PDGFRA: variants seen among roughly 807,000 people sequenced by gnomAD.
PDGFRA encodes the protein platelet-derived growth factor receptor alpha.
PDGFRA carries 25 observed loss-of-function variants against 121.5 expected under a neutral mutation model. The ratio of observed to expected loss-of-function variants is 0.21; its 90% CI spans 0.15 to 0.29. PDGFRA has a LOEUF of 0.29. Among genes scored for constraint, PDGFRA ranks in the 10% least tolerant of loss-of-function variants. PDGFRA has a pLI of 1.00. For synonymous variants in PDGFRA, 463 were observed against 494.8 expected, an observed-to-expected ratio of 0.94 and a Z score of 0.85; for missense variants, 1,008 against 1,345.1, an observed-to-expected ratio of 0.75 and a Z score of 3.92.
intron 1 of PDGFRA, among the ~76,000 whole-genome samples, chr4:54,231,440 G>A (rs1481724598): frequency 1.3e-5 from 2 of 152,238 alleles, no homozygotes; most frequent in Non-Finnish European, 2.9e-5. Flanking sequence ...GCATCTCACC[G>A]GACAAACATC....
intron 15 of PDGFRA, 180 bp downstream of exon 15, chr4:54,278,695 G>C: frequency 1.5e-6 from 1 of 677,124 alleles, no homozygotes. Flanking sequence ...ATGTCTAAAG[G>C]TGTTTTGGAC....
chr4:54,276,615 G>A (rs538848070), intron 12 of PDGFRA: 1 of 152,356 alleles, frequency 6.6e-6, no homozygotes, highest in East Asian at 1.9e-4. Context: ...TATACCAAGA[G>A]GCATTGCTGG....
At chr4:54,234,893 G>A (rs1720928604) in intron 1 of PDGFRA, among the ~76,000 whole-genome samples, 1 of 152,170 alleles carries the variant, frequency 6.6e-6, no homozygotes, top group African/African-American at 2.4e-5. Context: ...GGTGAGAGGA[G>A]AGCAGGCATG....
intron 9 of PDGFRA, among the ~76,000 whole-genome samples, 159 bp downstream of exon 9, chr4:54,272,679 G>A (rs1417230123): frequency 1.3e-5 from 2 of 152,072 alleles, no homozygotes; most frequent in Non-Finnish European, 2.9e-5. Context: ...GTGAGAAGAA[G>A]GTCCAGGGCT....
intron 1 of PDGFRA, among the ~76,000 whole-genome samples, chr4:54,238,806 C>T (rs553408064): frequency 6.6e-6 from 1 of 152,120 alleles, no homozygotes; most frequent in African/African-American, 2.4e-5. Context: ...TCTCTACAAA[C>T]AATAATTTTA....
rs1577735147 is a variant in PDGFRA at position 54,280,474 on chromosome 4, C to T, written c.2315C>T (p.Ser772Phe). ...YDRPASYKKK[S>F]MLDSEVKNLL... ...CGTCCAGCCTCATATAAGAAGAAAT[C>T]TATGTTAGGTAAAAGTGTCTATACT... The change falls in exon 16 of 23, where the codon TCT becomes TTT. Residue 772 changes from serine to phenylalanine, a missense_variant. Physicochemically the swap from Ser to Phe is radical, Grantham distance 155. Transcript: ENST00000257290. 1 of 1,612,466 alleles carries T rather than the reference C, an allele frequency of 6.2e-7. No individual in the cohort carries two copies.
At chr4:54,277,810 C>T (rs764500079) in intron 13 of PDGFRA, 86 bp from the exon 14 acceptor site, 10 of 856,130 alleles carry the variant, frequency 1.2e-5, no homozygotes, top group East Asian at 2.5e-5. Context: ...TATCCAATCA[C>T]AGGATTAGTC....
chr4:54,293,273 T>C (rs1296837396), intron 22 of PDGFRA, among the ~76,000 whole-genome samples: 1 of 152,100 alleles, frequency 6.6e-6, no homozygotes, highest in African/African-American at 2.4e-5. Context: ...TGTTGTAAAC[T>C]GGTAGTTAGT....
chr4:54,234,163 C>G lies in PDGFRA; in HGVS notation c.-13+4748C>G, dbSNP rs546471860. Among the ~76,000 whole-genome samples the G allele has an allele frequency of 1.2e-4, 19 of 152,050 alleles. No individual in the cohort carries two copies. The East Asian group carries it at 2.1e-3, about 17-fold the overall frequency. On this transcript the variant is annotated intron_variant, in intron 1 of 22. Transcript: ENST00000257290. ...CCCGCTGCCCCGGCGCACCAGCTCC[C>G]GGTGATGGGGATGATGATGGGGATG...
chr4:54,235,957 G>A (rs1314896981), intron 1 of PDGFRA, among the ~76,000 whole-genome samples: 1 of 152,252 alleles, frequency 6.6e-6, no homozygotes. Context: ...AGTCCAATGT[G>A]ATTTCCATCC....
intron 1 of PDGFRA, chr4:54,243,462 T>G (rs186284942): frequency 6.6e-6 from 1 of 152,322 alleles, no homozygotes; most frequent in Admixed American, 6.5e-5. Flanking sequence ...GTTAAAGGAT[T>G]GTTTTAAGTT....
Position 54,265,044 on chromosome 4 carries a change from G to A in PDGFRA, c.754G>A (p.Glu252Lys), listed in dbSNP as rs772605262. The change falls in exon 5 of 23, where the codon GAA becomes AAA. Residue 252 changes from glutamate to lysine, a missense_variant. Around this residue, in one of 5 missense-constraint regions of PDGFRA, gnomAD observed 575 missense variants for 701.8 expected, o/e 0.82. Coordinates refer to ENST00000257290, the MANE Select transcript of PDGFRA (RefSeq NM_006206.6). ...VVDLQWTYPG[E>K]VKGKGITMLE... ...TGACCTTCAATGGACTTACCCTGGA[G>A]AAGTGGTAGGTACCCTCAAAACGTG... 1 of 1,613,684 alleles carries A rather than the reference G, an allele frequency of 6.2e-7. No individual in the cohort carries two copies.
At chr4:54,234,114 G>C (rs1487146204) in intron 1 of PDGFRA, among the ~76,000 whole-genome samples, 2 of 152,226 alleles carry the variant, frequency 1.3e-5, no homozygotes, top group Non-Finnish European at 2.9e-5. Flanking sequence ...CGTCTTCCCG[G>C]CTCCGAAGAC....
At chr4:54,285,027 G>A (rs1238938025) in intron 16 of PDGFRA, among the ~76,000 whole-genome samples, 2 of 151,516 alleles carry the variant, frequency 1.3e-5, no homozygotes, top group Non-Finnish European at 2.9e-5. Flanking sequence ...CTGAGTAGCT[G>A]GGATTACAGG....
chr4:54,266,669 A>G (rs1723044363), intron 5 of PDGFRA, among the ~76,000 whole-genome samples: 1 of 152,182 alleles, frequency 6.6e-6, no homozygotes, highest in Non-Finnish European at 1.5e-5. Flanking sequence ...AACACCTTAT[A>G]TGTGTCATTA....
chr4:54,252,909 T>A (rs1722136512), intron 1 of PDGFRA, among the ~76,000 whole-genome samples: 1 of 151,194 alleles, frequency 6.6e-6, no homozygotes, highest in Admixed American at 6.6e-5. Flanking sequence ...TTGCCTTTGG[T>A]TATAGAGTCA....
intron 1 of PDGFRA, among the ~76,000 whole-genome samples, chr4:54,253,023 G>GTA (rs1560460581): frequency 1.3e-5 from 2 of 151,534 alleles, no homozygotes; most frequent in Admixed American, 1.3e-4. Context: ...TTCTGTGACT[G>GTA]TATATATTGG....
At chr4:54,284,686 G>C (rs560470147) in intron 16 of PDGFRA, among the ~76,000 whole-genome samples, 1 of 151,974 alleles carries the variant, frequency 6.6e-6, no homozygotes, top group East Asian at 1.9e-4. Flanking sequence ...TAAACCATTT[G>C]TGAGAAATTC....
At chr4:54,276,231 C>T (rs1269784676) in intron 12 of PDGFRA, among the ~76,000 whole-genome samples, 1 of 152,106 alleles carries the variant, frequency 6.6e-6, no homozygotes, top group Non-Finnish European at 1.5e-5. Flanking sequence ...ACCCCCTACC[C>T]ACCAAATCAT....
Sources: gnomAD v4.1 joint callset for allele counts (sites outside exome capture counted in the v4.1 genomes callset) on GRCh38, gnomAD v4.1.1 for gene constraint, gnomAD v4.1.1 regional missense constraint, MANE v1.5 for transcripts, NCBI Gene and HGNC (gene_info 2026-07-23, HGNC 2026-07-21) for gene names.